Variants in NTM observed in about 807,000 individuals in gnomAD.
NTM encodes neurotrimin, also known as IgLON family member 2.
In NTM, 13 loss-of-function variants were observed where a neutral mutation model predicts 42.1. The ratio of observed to expected loss-of-function variants is 0.31; its 90% confidence interval spans 0.20 to 0.49. The LOEUF (loss-of-function observed/expected upper bound fraction) is 0.49. Among genes scored for constraint, NTM ranks in the 20% least tolerant of loss-of-function variants. The pLI is 0.99. For missense variants in NTM, 373 were observed against 452.8 expected (o/e 0.82, Z 1.60); for synonymous variants, 187 against 179.2 (o/e 1.04, Z -0.35).
intron 2 of NTM, among the ~76,000 whole-genome samples, chr11:132,011,359 G>C (rs985384134): frequency 6.6e-6 from 1 of 152,124 alleles, no homozygotes. Flanking sequence ...TGCTAACTGT[G>C]TTCTGGAATG....
chr11:131,529,004 T>C lies in NTM; in HGVS notation c.82+158116T>C, dbSNP rs1345058420. Reference sequence around the variant, plus strand: ...GTGCCTAGATGTCATGAGTGCTCAGTAAATATATATTGCAATGGGATTGAG... The same window carrying C: ...GTGCCTAGATGTCATGAGTGCTCAGCAAATATATATTGCAATGGGATTGAG... On this transcript the variant is annotated intron_variant, in intron 1 of 8. Transcript: ENST00000683400. 2.6e-5 allele frequency among the ~76,000 whole-genome samples: 4 copies of C among 152,326 alleles called. No individual in the cohort carries two copies. In the East Asian group the frequency reaches 7.7e-4, roughly 29 times the overall value.
At chr11:132,179,171 C>G (rs1435288496) in intron 3 of NTM, among the ~76,000 whole-genome samples, 2 of 151,988 alleles carry the variant, frequency 1.3e-5, no homozygotes, top group Non-Finnish European at 2.9e-5. Flanking sequence ...GCTGGGGAAA[C>G]AAAAAAGAGG....
intron 1 of NTM, among the ~76,000 whole-genome samples, chr11:131,776,495 A>T (rs2086998543): frequency 6.6e-6 from 1 of 152,178 alleles, no homozygotes; most frequent in Non-Finnish European, 1.5e-5. Context: ...ATGTTTCACT[A>T]CAGCAGAGCA....
At chr11:131,435,860 G>C (rs1949082467) in intron 1 of NTM, among the ~76,000 whole-genome samples, 1 of 152,166 alleles carries the variant, frequency 6.6e-6, no homozygotes, top group African/African-American at 2.4e-5. Context: ...TCCCTGCCTT[G>C]TGCCAGTTTT....
chr11:132,241,759 G>T (rs1177380792), intron 4 of NTM, among the ~76,000 whole-genome samples: 1 of 152,160 alleles, frequency 6.6e-6, no homozygotes, highest in African/African-American at 2.4e-5. Flanking sequence ...CAATTATTTT[G>T]CATGTTTGTA....
At chr11:131,976,488 T>G (rs10894481) in intron 2 of NTM, among the ~76,000 whole-genome samples, 24,959 of 152,056 alleles carry the variant, frequency 0.16, 2,320 homozygotes, top group East Asian at 0.47. Flanking sequence ...ATTCATGTTT[T>G]CTTTCATTCT....
chr11:131,711,460 T>A (rs1459441028), intron 1 of NTM, among the ~76,000 whole-genome samples: 3 of 152,132 alleles, frequency 2.0e-5, no homozygotes, highest in African/African-American at 7.2e-5. Flanking sequence ...AGAATGGCAA[T>A]CATTAAAAAG....
chr11:131,808,304 G>A (rs764070200), intron 1 of NTM, among the ~76,000 whole-genome samples: 4 of 152,180 alleles, frequency 2.6e-5, no homozygotes, highest in Non-Finnish European at 4.4e-5. Flanking sequence ...CAGTCCAGTT[G>A]TATCTCCAGG....
chr11:132,025,494 G>A (rs577320990), intron 2 of NTM, among the ~76,000 whole-genome samples: 12 of 152,242 alleles, frequency 7.9e-5, no homozygotes, highest in Admixed American at 3.3e-4. Flanking sequence ...GCACATACTC[G>A]GGCCCCATTT....
At chr11:131,422,118 G>A (rs1181020364) in intron 1 of NTM, among the ~76,000 whole-genome samples, 1 of 152,202 alleles carries the variant, frequency 6.6e-6, no homozygotes, top group Non-Finnish European at 1.5e-5. Context: ...GCCTGATGGA[G>A]GAAGGGAAGG....
chr11:132,328,485 T>TG (rs56754322), intron 7 of NTM, among the ~76,000 whole-genome samples: 5,593 of 152,118 alleles, frequency 0.037, 293 homozygotes, highest in African/African-American at 0.12. Context: ...GAGGTTTTTT[T>TG]GGGGGGGTCT....
intron 2 of NTM, among the ~76,000 whole-genome samples, chr11:131,972,042 C>CAAAAAAGAAAAA (rs2063620866): frequency 1.7e-5 from 1 of 57,842 alleles, no homozygotes; most frequent in Non-Finnish European, 3.3e-5. Context: ...GACTCCGTCT[C>CAAAAAAGAAAAA]AAAAAAAAAA....
At chr11:131,370,995 G>A in intron 1 of NTM, 107 bp downstream of exon 1, 2 of 1,546,314 alleles carry the variant, frequency 1.3e-6, no homozygotes, top group Middle Eastern at 1.7e-4. Context: ...GTTTGCAGGT[G>A]GAGGAGAGAG....
intron 2 of NTM, among the ~76,000 whole-genome samples, chr11:131,918,476 A>T (rs991248945): frequency 2.6e-5 from 4 of 152,118 alleles, no homozygotes; most frequent in African/African-American, 9.7e-5. Flanking sequence ...CAGATACTCC[A>T]TCAGGTGGAC....
intron 2 of NTM, among the ~76,000 whole-genome samples, chr11:132,041,287 T>TCATTTTTGTTC: frequency 6.6e-6 from 1 of 151,560 alleles, no homozygotes; most frequent in Non-Finnish European, 1.5e-5. Flanking sequence ...TTTGGGGATA[T>TCATTTTTGTTC]CATTTTTGTT....
At chr11:131,619,731 G>A (rs180712719) in intron 1 of NTM, among the ~76,000 whole-genome samples, 104 of 152,114 alleles carry the variant, frequency 6.8e-4, no homozygotes, top group African/African-American at 2.4e-3. Flanking sequence ...AGCAGCAGAC[G>A]TGGTGTAGAA....
At chr11:132,023,857 C>T (rs777461902) in intron 2 of NTM, among the ~76,000 whole-genome samples, 72 of 151,652 alleles carry the variant, frequency 4.7e-4, no homozygotes, top group Non-Finnish European at 8.2e-4. Flanking sequence ...CTCACTCTGT[C>T]GCCCAGGCTG....
chr11:131,719,411 G>A (rs2078083813), intron 1 of NTM, among the ~76,000 whole-genome samples: 3 of 152,202 alleles, frequency 2.0e-5, no homozygotes, highest in Admixed American at 2.0e-4. Flanking sequence ...AACATTCAAA[G>A]AGAGGGGTGA....
intron 3 of NTM, among the ~76,000 whole-genome samples, chr11:132,181,234 A>C (rs898328507): frequency 6.6e-6 from 1 of 152,082 alleles, no homozygotes; most frequent in African/African-American, 2.4e-5. Flanking sequence ...TATCCACCTT[A>C]ATCCTTCTCA....
Sources: gnomAD v4.1 joint callset for allele counts (sites outside exome capture counted in the v4.1 genomes callset) on GRCh38, gnomAD v4.1.1 for gene constraint, MANE v1.5 for transcripts, NCBI Gene and HGNC (gene_info 2026-07-23, HGNC 2026-07-21) for gene names.